The following BCAR3 variants were observed in gnomAD, a reference collection of about 807,000 sequenced individuals.
BCAR3 encodes BCAR3 adaptor protein, NSP family member, also known as breast cancer anti-estrogen resistance protein 3.
BCAR3 carries 37 observed loss-of-function variants against 80.1 expected under a neutral mutation model. The observed-to-expected ratio is 0.46, with a 90% CI of 0.36 to 0.61. The LOEUF (loss-of-function observed/expected upper bound fraction) is 0.61, where lower values mean the gene tolerates loss of function less well. BCAR3 is among the 20% of genes least tolerant of loss of function. The probability of loss-of-function intolerance (pLI) is 0.00; values close to 1 mark genes in which losing one functional copy is unlikely to be tolerated. For synonymous variants in BCAR3, 389 were observed against 418.9 expected (o/e 0.93, Z 0.87); for missense variants, 978 against 1,068.2 (o/e 0.92, Z 1.18).
chr1:93,826,369 T>C (rs888262158), intron 2 of BCAR3, among the ~76,000 whole-genome samples: 2 of 152,152 alleles, frequency 1.3e-5, no homozygotes, highest in African/African-American at 4.8e-5. Context: ...GGTACAAATT[T>C]CTTCTGAGAC....
intron 2 of BCAR3, among the ~76,000 whole-genome samples, chr1:93,772,955 GGC>G (rs1269452453): frequency 1.3e-5 from 2 of 152,000 alleles, no homozygotes; most frequent in East Asian, 3.9e-4. Context: ...TTTGCTGAAG[GGC>G]CATGGATAGT....
At chr1:93,826,449 C>T (rs1654375461) in intron 2 of BCAR3, among the ~76,000 whole-genome samples, 1 of 152,186 alleles carries the variant, frequency 6.6e-6, no homozygotes, top group Non-Finnish European at 1.5e-5. Context: ...CCAGTCTTCG[C>T]TCCCATTCCT....
At chr1:93,635,717 G>A (rs1405265956) in intron 3 of BCAR3, among the ~76,000 whole-genome samples, 1 of 152,204 alleles carries the variant, frequency 6.6e-6, no homozygotes, top group Non-Finnish European at 1.5e-5. Flanking sequence ...CTGCCAATGT[G>A]CACACTCAGG....
chr1:93,753,562 A>G (rs1488562155), intron 2 of BCAR3: 2 of 152,162 alleles, frequency 1.3e-5, no homozygotes, highest in African/African-American at 4.9e-5. Context: ...ACACACACAC[A>G]CACACACACA....
intron 2 of BCAR3, among the ~76,000 whole-genome samples, chr1:93,722,705 T>G (rs1650445816): frequency 6.6e-6 from 1 of 152,078 alleles, no homozygotes. Flanking sequence ...AGAGGAGGCT[T>G]GTGTTCCGGG....
chr1:93,604,360 C>T (rs543333958), intron 3 of BCAR3, among the ~76,000 whole-genome samples: 1 of 152,266 alleles, frequency 6.6e-6, no homozygotes, highest in African/African-American at 2.4e-5. Context: ...TCAAAAGAGG[C>T]TCAGAAATCA....
At chr1:93,743,481 T>C (rs1370626462) in intron 2 of BCAR3, among the ~76,000 whole-genome samples, 2 of 152,224 alleles carry the variant, frequency 1.3e-5, no homozygotes, top group Non-Finnish European at 2.9e-5. Flanking sequence ...CTCTGGAGCA[T>C]ACAGCCTCTG....
At chr1:93,830,956 C>G (rs566732202) in intron 2 of BCAR3, among the ~76,000 whole-genome samples, 1 of 151,956 alleles carries the variant, frequency 6.6e-6, no homozygotes, top group Non-Finnish European at 1.5e-5. Context: ...TTCTCGCTAC[C>G]CTTCAATCTC....
intron 3 of BCAR3, among the ~76,000 whole-genome samples, chr1:93,701,203 C>T (rs1405889613): frequency 6.6e-6 from 1 of 152,228 alleles, no homozygotes; most frequent in South Asian, 2.1e-4. Context: ...CACACGCAGG[C>T]ACTGAATAAC....
At chr1:93,808,728 G>A (rs1653734385) in intron 2 of BCAR3, among the ~76,000 whole-genome samples, 1 of 152,056 alleles carries the variant, frequency 6.6e-6, no homozygotes, top group African/African-American at 2.4e-5. Flanking sequence ...AAAATAGCTT[G>A]ATTAAAAGCA....
intron 2 of BCAR3, among the ~76,000 whole-genome samples, chr1:93,791,119 T>C (rs1245048626): frequency 1.2e-5 from 1 of 82,080 alleles, no homozygotes; most frequent in Non-Finnish European, 2.1e-5. Context: ...AACATACGTG[T>C]GCATGTGTCT....
Position 93,582,548 on chromosome 1 carries a change from T to G in BCAR3, c.1439A>C (p.Asp480Ala). ...NSGVNYLILD[D>A]DDRERPWEPA... The stretch of plus-strand genomic sequence containing the variant: ...TTCCCAAGGTCTTTCCCTGTCATCA[T>G]CATCAAGGATCAAGTAGTTGACGCC... Residue 480 changes from aspartate (D) to alanine (A), a missense_variant, in exon 7 of 12, where the codon GAT becomes GCT. Asp to Ala is a moderately radical substitution (Grantham distance 126). Coordinates refer to ENST00000260502, the MANE Select transcript of BCAR3 (RefSeq NM_003567.4). The G allele has an allele frequency of 6.2e-7, 1 of 1,613,592 alleles. No individual in the cohort carries two copies.
intron 3 of BCAR3, among the ~76,000 whole-genome samples, chr1:93,691,065 A>T (rs1284233622): frequency 6.6e-6 from 1 of 152,204 alleles, no homozygotes; most frequent in Non-Finnish European, 1.5e-5. Flanking sequence ...GTAAAATATC[A>T]CTATACTCAG....
intron 2 of BCAR3, among the ~76,000 whole-genome samples, chr1:93,711,792 C>T (rs1321950786): frequency 2.0e-5 from 3 of 152,118 alleles, no homozygotes; most frequent in Non-Finnish European, 4.4e-5. Flanking sequence ...GCCTGTCTGC[C>T]TCACTGCTAA....
At chr1:93,667,885 C>T (rs1648001640) in intron 2 of BCAR3, among the ~76,000 whole-genome samples, 1 of 152,238 alleles carries the variant, frequency 6.6e-6, no homozygotes, top group African/African-American at 2.4e-5. Flanking sequence ...ACCACAGCAA[C>T]TACTCCTTTA....
chr1:93,617,199 G>A (rs1675153498), intron 3 of BCAR3, among the ~76,000 whole-genome samples: 1 of 152,216 alleles, frequency 6.6e-6, no homozygotes, highest in African/African-American at 2.4e-5. Flanking sequence ...AGGGCCAAGA[G>A]AGTGAGTGCA....
chr1:93,772,888 G>T (rs1303556895), intron 2 of BCAR3, among the ~76,000 whole-genome samples: 1 of 152,152 alleles, frequency 6.6e-6, no homozygotes, highest in Non-Finnish European at 1.5e-5. Context: ...ACAGGTGTGA[G>T]CCACCACACC....
chr1:93,574,095 T>C (rs1449658076), intron 8 of BCAR3, among the ~76,000 whole-genome samples: 1 of 152,226 alleles, frequency 6.6e-6, no homozygotes, highest in Non-Finnish European at 1.5e-5. Context: ...CCCTCTAGTG[T>C]TGTATAAATG....
intron 2 of BCAR3, among the ~76,000 whole-genome samples, chr1:93,819,090 T>C (rs2100815962): frequency 6.6e-6 from 1 of 151,824 alleles, no homozygotes; most frequent in Non-Finnish European, 1.5e-5. Flanking sequence ...TTTTCTGAGA[T>C]GGAGTCTCAC....
Sources: gnomAD v4.1 joint callset for allele counts (sites outside exome capture counted in the v4.1 genomes callset) on GRCh38, gnomAD v4.1.1 for gene constraint, MANE v1.5 for transcripts, NCBI Gene and HGNC (gene_info 2026-07-23, HGNC 2026-07-21) for gene names.